Variants in ARHGAP31 observed in about 807,000 individuals in gnomAD.
ARHGAP31 encodes Rho GTPase activating protein 31.
Under a neutral mutation model 113.9 loss-of-function variants are expected in ARHGAP31, and 34 were observed. The ratio of observed to expected loss-of-function variants is 0.30; its 90% confidence interval spans 0.23 to 0.40. The LOEUF is 0.40. Among genes scored for constraint, ARHGAP31 ranks in the 10% least tolerant of loss-of-function variants. ARHGAP31 has a pLI of 1.00. For missense variants in ARHGAP31, 1,548 were observed against 1,767.1 expected, an observed-to-expected ratio of 0.88 and a Z score of 2.22; for synonymous variants, 650 against 684.8, an observed-to-expected ratio of 0.95 and a Z score of 0.79.
At chr3:119,328,398 C>G (rs955195247) in intron 1 of ARHGAP31, among the ~76,000 whole-genome samples, 4 of 152,134 alleles carry the variant, frequency 2.6e-5, no homozygotes, top group African/African-American at 9.7e-5. Flanking sequence ...TGGGAAACTC[C>G]TACCTCACAA....
At chr3:119,329,625 C>T (rs1458683274) in intron 1 of ARHGAP31, among the ~76,000 whole-genome samples, 1 of 152,188 alleles carries the variant, frequency 6.6e-6, no homozygotes, top group East Asian at 1.9e-4. Context: ...ACGGAGTCTC[C>T]AGTTATAAAC....
chr3:119,396,053 G>T (rs757063454), intron 8 of ARHGAP31, among the ~76,000 whole-genome samples: 1 of 152,106 alleles, frequency 6.6e-6, no homozygotes, highest in Non-Finnish European at 1.5e-5. Context: ...CATGAAAGAG[G>T]TTCACCAGTA....
chr3:119,396,238 C>T (rs1222980372), intron 8 of ARHGAP31, among the ~76,000 whole-genome samples: 2 of 152,190 alleles, frequency 1.3e-5, no homozygotes, highest in African/African-American at 4.8e-5. Flanking sequence ...CTCAGAATCG[C>T]CCACAGAGTG....
chr3:119,415,649 T>A lies in ARHGAP31; in HGVS notation c.3720T>A (p.Ser1240Arg), dbSNP rs2080769257. 1.2e-6 allele frequency: 2 copies of A among 1,614,010 alleles called. No homozygotes were observed. The highest frequency in any genetic ancestry group is 3.3e-5 in the Admixed American group (2 of 60,006). ...GCCAGGAGGGACCCAGCTCAACCAG[T>A]GGGACCACTCAGAAACCTGCCAAAG... ...ERSQEGPSST[S>R]GTTQKPAKDD... Residue 1240 changes from serine (S) to arginine (R), a missense_variant, in exon 12 of 12, where the codon AGT becomes AGA. By Grantham distance (110) the Ser-to-Arg change is moderately radical. Transcript: ENST00000264245.
At chr3:119,350,803 G>C (rs1044460483) in intron 1 of ARHGAP31, among the ~76,000 whole-genome samples, 1 of 152,164 alleles carries the variant, frequency 6.6e-6, no homozygotes, top group Non-Finnish European at 1.5e-5. Flanking sequence ...ACCATTAACA[G>C]TACAAATGAG....
chr3:119,387,101 G>A (rs998402128), intron 6 of ARHGAP31, among the ~76,000 whole-genome samples: 1 of 144,560 alleles, frequency 6.9e-6, no homozygotes, highest in Non-Finnish European at 1.5e-5. Context: ...ACTCCCCCGG[G>A]GAAAGGGAGA....
At chr3:119,370,005 G>T (rs1418744929) in intron 3 of ARHGAP31, among the ~76,000 whole-genome samples, 1 of 151,926 alleles carries the variant, frequency 6.6e-6, no homozygotes, top group Non-Finnish European at 1.5e-5. Context: ...TTAAAAAATG[G>T]GCATAAATGT....
intron 1 of ARHGAP31, among the ~76,000 whole-genome samples, chr3:119,331,944 G>T (rs1296260044): frequency 2.0e-5 from 3 of 152,082 alleles, no homozygotes; most frequent in Admixed American, 6.5e-5. Context: ...AGAGCTCCAC[G>T]GGACTGAGAG....
At chr3:119,340,974 C>A (rs1193050689) in intron 1 of ARHGAP31, among the ~76,000 whole-genome samples, 1 of 152,150 alleles carries the variant, frequency 6.6e-6, no homozygotes, top group Non-Finnish European at 1.5e-5. Context: ...TGAGCAAATG[C>A]CTGCATGAGC....
Position 119,302,536 on chromosome 3 carries a change from T to C in ARHGAP31, c.100+7532T>C, listed in dbSNP as rs115122007. On this transcript the variant is annotated intron_variant, in intron 1 of 11. Transcript: ENST00000264245. ...GCCTTGTTGTTATTTTCATTGGTAG[T>C]AAGTGCTACTTATCTGTGTTGATTG... 3.6e-3 allele frequency among the ~76,000 whole-genome samples: 542 copies of C among 152,336 alleles called. 5 individuals are homozygous for C. Among genetic ancestry groups the C allele is most frequent in the African/African-American group, 0.012 (512 of 41,572 alleles).
intron 11 of ARHGAP31, among the ~76,000 whole-genome samples, chr3:119,413,428 G>T (rs1389347461): frequency 6.6e-6 from 1 of 152,038 alleles, no homozygotes. Context: ...TCATTCTTGT[G>T]TGCCTTCTAA....
intron 1 of ARHGAP31, chr3:119,314,915 T>C (rs2079716380): frequency 6.6e-6 from 1 of 152,204 alleles, no homozygotes; most frequent in South Asian, 2.1e-4. Flanking sequence ...TGATAGGCAG[T>C]GAATGCAATG....
intron 1 of ARHGAP31, among the ~76,000 whole-genome samples, chr3:119,333,438 G>A (rs781688154): frequency 2.0e-5 from 3 of 152,140 alleles, no homozygotes; most frequent in Non-Finnish European, 1.5e-5. Context: ...TGTAGTACTA[G>A]AATTTGTTCA....
chr3:119,395,681 A>T (rs1194117836), intron 8 of ARHGAP31, among the ~76,000 whole-genome samples: 2 of 152,118 alleles, frequency 1.3e-5, no homozygotes, highest in East Asian at 3.8e-4. Flanking sequence ...CCCTGTTGTC[A>T]ATGGTGTGCC....
In ARHGAP31 at chr3:119,382,376, G is replaced by C; in HGVS notation, c.516G>C (p.Leu172=). The C allele has an allele frequency of 1.9e-6, 3 of 1,614,094 alleles. No individual in the cohort carries two copies. The highest frequency in any genetic ancestry group is 4.5e-5 in the East Asian group (2 of 44,872). ...ACATGCACGCCCGGAACCTGGCCCT[G>C]GTGTGGGCGCCAAACCTCCTCAGGT... The part of the protein sequence containing the change: ...KTNMHARNLA[L]VWAPNLLRSK... Residue 172 remains leucine, a synonymous_variant, in exon 5 of 12, where the codon CTG becomes CTC. Transcript: ENST00000264245.
Position 119,368,486 on chromosome 3 carries a change from C to T in ARHGAP31, c.318C>T (p.Leu106=), listed in dbSNP as rs754843424. 15 of 1,614,018 alleles carry T rather than the reference C, an allele frequency of 9.3e-6. No homozygotes were observed. The African/African-American group carries it at 1.9e-4, about 20-fold the overall frequency. The stretch of plus-strand genomic sequence containing the variant: ...ACTTTAGGGAGCTGCCCAACCCCCT[C>T]CTGACTTATGAGCTCTATGAGAAAT... The part of the protein sequence containing the change: ...KLYFRELPNP[L]LTYELYEKFT... The change falls in exon 3 of 12, where the codon CTC becomes CTT. Residue 106 remains leucine (L), a synonymous_variant. Transcript: ENST00000264245.
At chr3:119,360,967 C>T (rs560358301) in intron 1 of ARHGAP31, among the ~76,000 whole-genome samples, 1 of 152,196 alleles carries the variant, frequency 6.6e-6, no homozygotes, top group Non-Finnish European at 1.5e-5. Context: ...TGACCTCCAG[C>T]GTCAGTCCTT....
chr3:119,305,985 A>G (rs2079628136), intron 1 of ARHGAP31, among the ~76,000 whole-genome samples: 1 of 152,142 alleles, frequency 6.6e-6, no homozygotes, highest in South Asian at 2.1e-4. Flanking sequence ...TTTCTTTAGT[A>G]ACTCTAAAGA....
chr3:119,321,416 C>T (rs1169475311), intron 1 of ARHGAP31, among the ~76,000 whole-genome samples: 3 of 148,110 alleles, frequency 2.0e-5, no homozygotes, highest in Non-Finnish European at 4.5e-5. Context: ...TTGGGAAATA[C>T]ATAAATGTTT....
Sources: gnomAD v4.1 joint callset for allele counts (sites outside exome capture counted in the v4.1 genomes callset) on GRCh38, gnomAD v4.1.1 for gene constraint, MANE v1.5 for transcripts, NCBI Gene and HGNC (gene_info 2026-07-23, HGNC 2026-07-21) for gene names.